PELI1: variants seen among roughly 807,000 people sequenced by gnomAD.
The protein encoded by PELI1 is E3 ubiquitin-protein ligase pellino homolog 1.
PELI1 carries 15 observed loss-of-function variants against 41.3 expected under a neutral mutation model. That is an observed-to-expected ratio of 0.36 (90% CI 0.24 to 0.56). PELI1 has a LOEUF of 0.56. Among genes scored for constraint, PELI1 ranks in the 20% least tolerant of loss-of-function variants. The pLI is 0.82. For missense variants in PELI1, 403 were observed against 525.5 expected, an observed-to-expected ratio of 0.77 and a Z score of 2.28; for synonymous variants, 178 against 180.1, an observed-to-expected ratio of 0.99 and a Z score of 0.09.
At chr2:64,121,854 G>A (rs1213149902) in intron 1 of PELI1, among the ~76,000 whole-genome samples, 4 of 148,806 alleles carry the variant, frequency 2.7e-5, no homozygotes, top group East Asian at 2.0e-4. Context: ...GTGGTGAGCC[G>A]AGATCACGCC....
At chr2:64,138,022 C>A (rs897697787) in intron 1 of PELI1, among the ~76,000 whole-genome samples, 3 of 152,138 alleles carry the variant, frequency 2.0e-5, no homozygotes, top group African/African-American at 7.2e-5. Context: ...ACAATTTAGT[C>A]TTCTCTAACC....
intron 2 of PELI1, among the ~76,000 whole-genome samples, chr2:64,107,929 T>C (rs111969128): frequency 0.079 from 11,967 of 152,184 alleles, 705 homozygotes; most frequent in African/African-American, 0.17. Flanking sequence ...CTGCCTGTCT[T>C]GGCCTCCCAA....
intron 1 of PELI1, among the ~76,000 whole-genome samples, chr2:64,130,606 T>C (rs1311078587): frequency 1.3e-5 from 2 of 152,224 alleles, no homozygotes; most frequent in African/African-American, 4.8e-5. Flanking sequence ...GGAGAAACTG[T>C]CTTGCTCATT....
chr2:64,121,878 C>T (rs1328412629), intron 1 of PELI1, among the ~76,000 whole-genome samples: 1 of 147,800 alleles, frequency 6.8e-6, no homozygotes, highest in Non-Finnish European at 1.5e-5. Context: ...GCACTCCAGC[C>T]TGGACAACAA....
chr2:64,139,370 A>G (rs1012318644), intron 1 of PELI1, among the ~76,000 whole-genome samples: 3 of 152,086 alleles, frequency 2.0e-5, no homozygotes, highest in African/African-American at 7.2e-5. Context: ...CAGTGGTGCA[A>G]TCATGGTTCA....
At chr2:64,130,246 C>T (rs1248119033) in intron 1 of PELI1, among the ~76,000 whole-genome samples, 1 of 152,146 alleles carries the variant, frequency 6.6e-6, no homozygotes, top group East Asian at 1.9e-4. Flanking sequence ...TCCTGGGTTA[C>T]TCCCATTTTA....
Position 64,130,220 on chromosome 2 carries a change from C to T in PELI1, c.-70+13861G>A, listed in dbSNP as rs555671984. On this transcript the variant is annotated intron_variant, in intron 1 of 6. Transcript: ENST00000358912. ...TGAGATAAGGTCTGGCTGTATTGCC[C>T]GGGCTAGTCTGAAACTCCTGGGTTA... 9.2e-5 allele frequency among the ~76,000 whole-genome samples: 14 copies of T among 152,154 alleles called. No homozygotes were observed. The South Asian group carries it at 1.5e-3, about 16-fold the overall frequency.
At chr2:64,138,131 C>T (rs537589086) in intron 1 of PELI1, among the ~76,000 whole-genome samples, 2 of 151,938 alleles carry the variant, frequency 1.3e-5, no homozygotes, top group African/African-American at 2.4e-5. Flanking sequence ...TAGACAGGAT[C>T]TGGTTATGCT....
At position 64,096,460 on chromosome 2, in the gene PELI1, G is replaced by A. The variant is rs750297503; in HGVS notation, c.454C>T (p.Arg152Trp). Residue 152 changes from arginine (R) to tryptophan (W), a missense_variant, in exon 5 of 7, where the codon CGG (arginine) becomes TGG (tryptophan). Coordinates refer to ENST00000358912, the MANE Select transcript of PELI1 (RefSeq NM_020651.4). ...ICERNPPFTA[R>W]IYAAGFDSSK... is the part of the protein sequence containing the mutation. ...GAGTCAAATCCTGCAGCATAAATCC[G>A]TGCTGTAAAGGGAGGATTCCGTTCA... 2.1e-5 allele frequency: 34 copies of A among 1,613,444 alleles called. No individual in the cohort carries two copies. Among genetic ancestry groups the A allele is most frequent in the South Asian group, 3.3e-5 (3 of 91,076 alleles).
intron 1 of PELI1, among the ~76,000 whole-genome samples, chr2:64,130,251 A>G (rs1324144220): frequency 6.6e-6 from 1 of 152,200 alleles, no homozygotes; most frequent in Non-Finnish European, 1.5e-5. Context: ...GGTTACTCCC[A>G]TTTTAGCCAC....
At chr2:64,101,182 G>A (rs1278310377) in intron 3 of PELI1, among the ~76,000 whole-genome samples, 5 of 152,084 alleles carry the variant, frequency 3.3e-5, no homozygotes, top group Non-Finnish European at 7.4e-5. Context: ...AAGTCATTCA[G>A]AGAGCTATAA....
At chr2:64,119,097 T>C (rs1681117363) in intron 1 of PELI1, among the ~76,000 whole-genome samples, 2 of 152,152 alleles carry the variant, frequency 1.3e-5, no homozygotes, top group African/African-American at 4.8e-5. Context: ...TAGTGATATT[T>C]CTTAGGCTTT....
At chr2:64,100,830 G>C (rs887598192) in intron 3 of PELI1, among the ~76,000 whole-genome samples, 4 of 152,064 alleles carry the variant, frequency 2.6e-5, no homozygotes, top group African/African-American at 9.7e-5. Context: ...AGGTTCAAGT[G>C]GTTCTCCTAC....
At chr2:64,105,225 T>C (rs973485438) in intron 2 of PELI1, among the ~76,000 whole-genome samples, 7 of 152,218 alleles carry the variant, frequency 4.6e-5, no homozygotes, top group African/African-American at 1.7e-4. Flanking sequence ...GTATGTATTG[T>C]TTAAAACACA....
At position 64,144,409 on chromosome 2, in the gene PELI1, C is replaced by T. The variant is rs539036248; in HGVS notation, c.-398G>A. 3.3e-5 allele frequency: 5 copies of T among 151,362 alleles called. No homozygotes were observed. The highest frequency in any genetic ancestry group is 9.7e-5 in the African/African-American group (4 of 41,396). The allele number at this position is 151,362 out of a possible 1,614,324, so 9.4% of individuals were successfully genotyped here. Reference sequence around the variant, plus strand: ...CGACGGTCCCTCCGCCTCACACCGCCTCTGGGTCACTGACATACACTCGCA... The same window carrying T: ...CGACGGTCCCTCCGCCTCACACCGCTTCTGGGTCACTGACATACACTCGCA... On this transcript the variant is annotated 5_prime_UTR_variant, in exon 1 of 7. Coordinates refer to ENST00000358912, the MANE Select transcript of PELI1 (RefSeq NM_020651.4).
chr2:64,094,678 G>A lies in PELI1; in HGVS notation c.*24C>T, dbSNP rs756899556. On this transcript the variant is annotated 3_prime_UTR_variant, in exon 7 of 7. Transcript: ENST00000358912. Reference sequence around the variant, plus strand: ...CTCACTTAGCTTATAAATTTATAATGTAGTCCTGCAAGACAATGGTCTGTT... The same window carrying A: ...CTCACTTAGCTTATAAATTTATAATATAGTCCTGCAAGACAATGGTCTGTT... 6.4e-7 allele frequency: 1 copy of A among 1,556,170 alleles called. No homozygotes were observed. Among genetic ancestry groups the A allele is most frequent in the Non-Finnish European group, 8.8e-7 (1 of 1,130,812 alleles).
At chr2:64,117,887 G>A (rs982672763) in intron 1 of PELI1, among the ~76,000 whole-genome samples, 4 of 151,690 alleles carry the variant, frequency 2.6e-5, no homozygotes, top group Non-Finnish European at 4.4e-5. Context: ...TCAGCTCACT[G>A]CAACCTCTGC....
chr2:64,104,566 G>A (rs1387754914), intron 3 of PELI1, 135 bp downstream of exon 3: 2 of 1,308,790 alleles, frequency 1.5e-6, no homozygotes, highest in African/African-American at 3.0e-5. Context: ...TGTCTCCAAA[G>A]TCTCTTCTCC....
chr2:64,140,799 ACAAACAAAC>A lies in PELI1; in HGVS notation c.-70+3273_-70+3281del, dbSNP rs751625402. 1.0e-4 allele frequency among the ~76,000 whole-genome samples: 13 copies of A among 125,586 alleles called. 1 individual carries two copies. In the South Asian group the frequency reaches 1.3e-3, roughly 12 times the overall value. The allele number at this position is 125,586 out of a possible 152,430, so 82.4% of individuals were successfully genotyped here. A position where few individuals can be genotyped will look rare whatever the true frequency, so the allele number is the denominator to read the frequency against. ...TCAAGACAACATGCAAAAAAAAAAA[ACAAACAAAC>A]AAAAAAAAACCTAGGGGCAGAACTT... On this transcript the variant is annotated intron_variant, in intron 1 of 6. Coordinates refer to ENST00000358912, the MANE Select transcript of PELI1 (RefSeq NM_020651.4).
Sources: gnomAD v4.1 joint callset for allele counts (sites outside exome capture counted in the v4.1 genomes callset) on GRCh38, gnomAD v4.1.1 for gene constraint, MANE v1.5 for transcripts, NCBI Gene and HGNC (gene_info 2026-07-23, HGNC 2026-07-21) for gene names.